The following PRKG1 variants were observed in gnomAD, a reference collection of about 807,000 sequenced individuals.
The protein encoded by PRKG1 is cGMP-dependent protein kinase 1.
A neutral mutation model predicts 88.1 loss-of-function variants in PRKG1; 35 were observed. The ratio of observed to expected loss-of-function variants is 0.40; its 90% CI spans 0.30 to 0.53. PRKG1 has a LOEUF of 0.53. PRKG1 is among the 20% of genes least tolerant of loss of function. PRKG1 has a pLI of 0.59. For missense variants in PRKG1, 540 were observed against 839.8 expected, an observed-to-expected ratio of 0.64 and a Z score of 4.41; for synonymous variants, 303 against 292.5, an observed-to-expected ratio of 1.04 and a Z score of -0.37.
intron 5 of PRKG1, among the ~76,000 whole-genome samples, chr10:51,990,986 C>A (rs1844290732): frequency 6.6e-6 from 1 of 152,094 alleles, no homozygotes; most frequent in East Asian, 1.9e-4. Flanking sequence ...TAAGTTAATT[C>A]CATGTCTTTG....
chr10:51,567,444 A>T (rs1047773672), intron 3 of PRKG1, among the ~76,000 whole-genome samples: 1 of 152,048 alleles, frequency 6.6e-6, no homozygotes, highest in African/African-American at 2.4e-5. Flanking sequence ...TAAATTTTGT[A>T]CATCAGGGCA....
At chr10:52,158,217 T>A (rs983403047) in intron 8 of PRKG1, among the ~76,000 whole-genome samples, 13 of 151,844 alleles carry the variant, frequency 8.6e-5, no homozygotes, top group African/African-American at 2.9e-4. Flanking sequence ...CTATATTTGT[T>A]AAAACTCATA....
chr10:51,489,346 A>C (rs1366682550), intron 3 of PRKG1, among the ~76,000 whole-genome samples: 2 of 152,176 alleles, frequency 1.3e-5, no homozygotes, highest in Non-Finnish European at 2.9e-5. Flanking sequence ...GAACAGAATG[A>C]ATTTTGGGAT....
intron 9 of PRKG1, among the ~76,000 whole-genome samples, chr10:52,204,110 T>G: frequency 9.3e-6 from 1 of 107,016 alleles, no homozygotes; most frequent in African/African-American, 2.9e-5. Context: ...ATTATTATTT[T>G]TTGTTTTTGA....
intron 2 of PRKG1, among the ~76,000 whole-genome samples, chr10:51,376,290 TTACAGTTTA>T (rs1467254690): frequency 6.6e-6 from 1 of 152,224 alleles, no homozygotes; most frequent in Non-Finnish European, 1.5e-5. Context: ...CTTACATTTT[TTACAGTTTA>T]TACATAGTTC....
chr10:51,153,370 C>A (rs1846126609), intron 2 of PRKG1, 40 bp downstream of exon 2: 1 of 1,527,888 alleles, frequency 6.5e-7, no homozygotes, highest in Admixed American at 1.9e-5. Context: ...TTCAAATATT[C>A]TTTTTTCATC....
At chr10:51,315,927 A>AC (rs1841305585) in intron 2 of PRKG1, among the ~76,000 whole-genome samples, 1 of 152,142 alleles carries the variant, frequency 6.6e-6, no homozygotes, top group Non-Finnish European at 1.5e-5. Context: ...TAGCCTGTTT[A>AC]TATCACATTT....
intron 5 of PRKG1, among the ~76,000 whole-genome samples, chr10:51,955,908 A>G (rs1279993956): frequency 6.6e-6 from 1 of 152,170 alleles, no homozygotes; most frequent in African/African-American, 2.4e-5. Context: ...AATAGCGACC[A>G]TTCTTCTCTT....
At chr10:51,287,517 C>A (rs371213818) in intron 2 of PRKG1, among the ~76,000 whole-genome samples, 3 of 151,856 alleles carry the variant, frequency 2.0e-5, no homozygotes, top group African/African-American at 7.3e-5. Flanking sequence ...TCACATGGAG[C>A]GTAAATTCTA....
intron 4 of PRKG1, among the ~76,000 whole-genome samples, chr10:51,879,123 TGTAAATATCA>T (rs201093351): frequency 0.056 from 8,582 of 152,302 alleles, 293 homozygotes; most frequent in Middle Eastern, 0.11. Context: ...TGTATTTGCT[TGTAAATATCA>T]ATTTGTTTTT....
intron 8 of PRKG1, among the ~76,000 whole-genome samples, chr10:52,141,023 A>G (rs1489358188): frequency 6.6e-6 from 1 of 152,176 alleles, no homozygotes; most frequent in Admixed American, 6.6e-5. Context: ...TCCAGAATAA[A>G]ATCTAGGGTG....
chr10:51,624,890 G>GATTCTA (rs1839295856), intron 3 of PRKG1, among the ~76,000 whole-genome samples: 8 of 152,190 alleles, frequency 5.3e-5, no homozygotes, highest in African/African-American at 1.9e-4. Flanking sequence ...GAGAATACTG[G>GATTCTA]TTATCAGAGG....
At chr10:51,338,796 G>A (rs1370126522) in intron 2 of PRKG1, among the ~76,000 whole-genome samples, 2 of 152,104 alleles carry the variant, frequency 1.3e-5, no homozygotes, top group Non-Finnish European at 2.9e-5. Flanking sequence ...TATTACCTGA[G>A]GTTGAAATAT....
intron 4 of PRKG1, among the ~76,000 whole-genome samples, chr10:51,820,690 C>A (rs1287372567): frequency 6.6e-6 from 1 of 152,148 alleles, no homozygotes; most frequent in Non-Finnish European, 1.5e-5. Flanking sequence ...GAAAGCGAGA[C>A]TGATTTTTGG....
chr10:51,337,044 T>C (rs1304591086), intron 2 of PRKG1, among the ~76,000 whole-genome samples: 2 of 152,140 alleles, frequency 1.3e-5, no homozygotes, highest in South Asian at 2.1e-4. Context: ...AGCAGCATGG[T>C]ACTGTTACAA....
intron 9 of PRKG1, among the ~76,000 whole-genome samples, chr10:52,189,298 C>T (rs376597757): frequency 7.9e-5 from 12 of 152,130 alleles, no homozygotes; most frequent in African/African-American, 2.9e-4. Context: ...AATCCTTCCC[C>T]ACTTCTCCTG....
intron 3 of PRKG1, among the ~76,000 whole-genome samples, chr10:51,627,929 T>TTCCTTCCCTTCCTTC (rs1426640394): frequency 2.4e-5 from 1 of 41,560 alleles, no homozygotes; most frequent in Non-Finnish European, 5.7e-5. Context: ...TCCCTTCCTT[T>TTCCTTCCCTTCCTTC]CTTCCTTCCT....
chr10:51,174,162 A>G (rs1231256836), intron 2 of PRKG1, among the ~76,000 whole-genome samples: 2 of 151,952 alleles, frequency 1.3e-5, no homozygotes, highest in Admixed American at 6.6e-5. Flanking sequence ...ATGTTCACAT[A>G]TAATAAAACA....
chr10:51,313,195 T>A (rs1050109276), intron 2 of PRKG1, among the ~76,000 whole-genome samples: 6 of 152,042 alleles, frequency 3.9e-5, no homozygotes, highest in African/African-American at 1.4e-4. Flanking sequence ...TTGGGCAAAG[T>A]CTAAACCTAA....
Sources: gnomAD v4.1 joint callset for allele counts (sites outside exome capture counted in the v4.1 genomes callset) on GRCh38, gnomAD v4.1.1 for gene constraint, MANE v1.5 for transcripts, NCBI Gene and HGNC (gene_info 2026-07-23, HGNC 2026-07-21) for gene names.